The following TNK2 variants were observed in gnomAD, a reference collection of about 807,000 sequenced individuals.
TNK2 encodes activated CDC42 kinase 1.
A neutral mutation model predicts 101.8 loss-of-function variants in TNK2; 83 were observed. That is an observed-to-expected ratio of 0.82 (90% CI 0.68 to 0.98). The LOEUF is 0.98. Among genes scored for constraint, TNK2 ranks in the 50% least tolerant of loss-of-function variants. The pLI is 0.00. For missense variants in TNK2, 1,665 were observed against 1,483.2 expected, an observed-to-expected ratio of 1.12 and a Z score of -2.01; for synonymous variants, 804 against 633.0, an observed-to-expected ratio of 1.27 and a Z score of -4.06.
Position 195,878,238 on chromosome 3 carries a change from C to T in TNK2, c.1256+15G>A, listed in dbSNP as rs1251542440. 1 of 1,613,686 alleles carries T rather than the reference C, an allele frequency of 6.2e-7. No homozygotes were observed. The highest frequency in any genetic ancestry group is 1.3e-5 in the African/African-American group (1 of 74,930). ...CAAGCGATCCCAGGGCGGGGCCCAGCCCTGCACTCCCTACCTTCCCTCGAT... is the reference window on the plus strand; with the variant it reads ...CAAGCGATCCCAGGGCGGGGCCCAGTCCTGCACTCCCTACCTTCCCTCGAT... On this transcript the variant is annotated intron_variant, in intron 9 of 15. Coordinates refer to ENST00000672887, the MANE Select transcript of TNK2 (RefSeq NM_001382273.1). The surrounding 1 kb of genome is among the most constrained non-coding windows in gnomAD (Gnocchi z 4.7).
intron 10 of TNK2, 62 bp downstream of exon 10, chr3:195,872,214 T>A: frequency 6.3e-7 from 1 of 1,584,926 alleles, no homozygotes; most frequent in Non-Finnish European, 8.6e-7. Context: ...ACGCGTGCCG[T>A]GCTGAGGGCC....
intron 9 of TNK2, 39 bp from the exon 10 acceptor site, chr3:195,872,509 C>T (rs772364759): frequency 1.4e-5 from 22 of 1,544,366 alleles, no homozygotes; most frequent in Admixed American, 7.5e-5. Context: ...CCAGGCGTGG[C>T]GGGGCAGCCC....
At chr3:195,877,874 A>C (rs1460505491) in intron 9 of TNK2, among the ~76,000 whole-genome samples, 1 of 152,142 alleles carries the variant, frequency 6.6e-6, no homozygotes, top group Non-Finnish European at 1.5e-5. Context: ...AAACGCACCC[A>C]GGTGGATGGC....
intron 1 of TNK2, chr3:195,895,492 C>T: frequency 2.9e-6 from 4 of 1,358,480 alleles, no homozygotes; most frequent in South Asian, 1.8e-5. Flanking sequence ...GCCGGGTGGT[C>T]GCGCCCCTCC....
At chr3:195,898,750 T>C (rs904679081) in intron 1 of TNK2, among the ~76,000 whole-genome samples, 2 of 152,066 alleles carry the variant, frequency 1.3e-5, no homozygotes, top group African/African-American at 4.8e-5. Flanking sequence ...CTCAGCCTCC[T>C]GAGTAGCTGG....
chr3:195,869,385 A>G, intron 12 of TNK2, 112 bp downstream of exon 12: 3 of 892,996 alleles, frequency 3.4e-6, no homozygotes, highest in East Asian at 5.5e-5. Flanking sequence ...CACAGCACAC[A>G]CCCACCCACC....
In TNK2 at chr3:195,866,096, A is replaced by G. The variant is rs144082002; in HGVS notation, c.3161+793T>C. ...ACAGCGCTCTCATATATATATTTACATAATATATAAAGTGTGTTTATATAT... is the reference window on the plus strand; with the variant it reads ...ACAGCGCTCTCATATATATATTTACGTAATATATAAAGTGTGTTTATATAT... On this transcript the variant is annotated intron_variant, in intron 15 of 15. Transcript: ENST00000672887. Among the ~76,000 whole-genome samples, 599 of 152,264 alleles carry G rather than the reference A, an allele frequency of 3.9e-3. 4 individuals are homozygous for G. Among genetic ancestry groups the G allele is most frequent in the East Asian group, 0.012 (62 of 5,184 alleles).
In TNK2 at chr3:195,867,623, C is replaced by T. The variant is rs112384084; in HGVS notation, c.2675G>A (p.Arg892His). The T allele has an allele frequency of 0.017, 27,580 of 1,599,384 alleles. 294 individuals carry two copies. The highest frequency in any genetic ancestry group is 0.03 in the East Asian group (1,360 of 44,838). ...AGGCTCCTCGGGGCTCTGGGCCTCA[C>T]GCAGGAAGCGCTGGTAGCGCTCCAG... is the stretch of plus-strand genomic sequence containing the variant. Reference protein sequence around the residue: ...SYLERYQRFLREAQSPEEPTP... With the variant: ...SYLERYQRFLHEAQSPEEPTP... The change falls in exon 13 of 16, where the codon CGT becomes CAT. Residue 892 changes from arginine (R) to histidine (H), a missense_variant. Physicochemically the swap from Arg to His is conservative, Grantham distance 29. Coordinates refer to ENST00000672887, the MANE Select transcript of TNK2 (RefSeq NM_001382273.1).
chr3:195,901,423 G>A (rs1325153916), intron 1 of TNK2, among the ~76,000 whole-genome samples: 1 of 152,168 alleles, frequency 6.6e-6, no homozygotes, highest in African/African-American at 2.4e-5. Context: ...GAGAGAAACA[G>A]AGGAGTCCAA....
At chr3:195,893,321 G>C (rs1253561146) in intron 1 of TNK2, among the ~76,000 whole-genome samples, 2 of 152,006 alleles carry the variant, frequency 1.3e-5, no homozygotes, top group Non-Finnish European at 2.9e-5. Flanking sequence ...AAGAGCAAGG[G>C]TAGGGTGGGG....
intron 9 of TNK2, among the ~76,000 whole-genome samples, chr3:195,876,101 C>T (rs373187957): frequency 2.6e-4 from 39 of 152,314 alleles, no homozygotes; most frequent in South Asian, 2.5e-3. Context: ...GCCAAGGACC[C>T]GCAATGGATT....
At chr3:195,887,108 G>A (rs928768813) in intron 2 of TNK2, 61 bp from the exon 3 acceptor site, 5 of 1,574,346 alleles carry the variant, frequency 3.2e-6, no homozygotes, top group Non-Finnish European at 4.4e-6. Context: ...AGAGGCTGCT[G>A]CCTGTGGTCC....
In TNK2 at chr3:195,872,314, G is replaced by T; in HGVS notation, c.1413C>A (p.Asp471Glu). The T allele has an allele frequency of 6.2e-6, 10 of 1,613,318 alleles. No individual in the cohort carries two copies. The highest frequency in any genetic ancestry group is 4.2e-6 in the Non-Finnish European group (5 of 1,179,932). ...SFIHTGHGDS[D>E]PRHCWGFPDR... ...CCGGGAAGCCCCAGCAGTGGCGGGG[G>T]TCACTGTCGCCATGCCCTGTGTGGA... Residue 471 changes from aspartate to glutamate, a missense_variant, in exon 10 of 16, where the codon GAC becomes GAA. Asp to Glu is a conservative substitution (Grantham distance 45, BLOSUM62 2). Coordinates refer to ENST00000672887, the MANE Select transcript of TNK2 (RefSeq NM_001382273.1).
chr3:195,872,554 T>C, intron 9 of TNK2, 84 bp from the exon 10 acceptor site: 1 of 1,399,876 alleles, frequency 7.1e-7, no homozygotes, highest in Non-Finnish European at 9.6e-7. Context: ...CTGGCCACTG[T>C]GGCAGAAGGG....
Position 195,869,441 on chromosome 3 carries a change from A to C in TNK2, c.1588+56T>G, listed in dbSNP as rs543877991. ...CAGGCTCTGTACCTTCCAGGAGAGG[A>C]GTGAGAGAGAGGGGGCGGGGGCGGG... is the stretch of plus-strand genomic sequence containing the variant. On this transcript the variant is annotated intron_variant, in intron 12 of 15. Transcript: ENST00000672887. 105 of 1,234,666 alleles carry C rather than the reference A, an allele frequency of 8.5e-5. 1 individual carries two copies. The African/African-American group carries it at 1.4e-3, about 17-fold the overall frequency. 76.5% of individuals were successfully genotyped at this position (1,234,666 alleles called of 1,614,324 possible). A position where few individuals can be genotyped will look rare whatever the true frequency, so the allele number is the denominator to read the frequency against.
At position 195,868,474 on chromosome 3, in the gene TNK2, G is replaced by A. The variant is rs746225527; in HGVS notation, c.1824C>T (p.Ala608=). The change falls in exon 13 of 16, where the codon GCC becomes GCT. Residue 608 remains alanine (A), a synonymous_variant. Coordinates refer to ENST00000672887, the MANE Select transcript of TNK2 (RefSeq NM_001382273.1). ...RPCAPSLAQL[A]MDACSLLDET... ...CGTCCAGCAGGGAGCAGGCGTCCAT[G>A]GCCAGCTGCGCCAGGGAGGGCGCGC... 1.9e-6 allele frequency: 3 copies of A among 1,552,282 alleles called. No individual in the cohort carries two copies. The highest frequency in any genetic ancestry group is 2.3e-5 in the East Asian group (1 of 43,462).
At chr3:195,892,203 A>C (rs1758779228) in intron 1 of TNK2, among the ~76,000 whole-genome samples, 1 of 152,192 alleles carries the variant, frequency 6.6e-6, no homozygotes, top group Non-Finnish European at 1.5e-5. Context: ...TGTGTCCGTC[A>C]CTACTCTGTG....
intron 1 of TNK2, among the ~76,000 whole-genome samples, chr3:195,897,810 A>G (rs1043619584): frequency 3.8e-5 from 1 of 26,136 alleles, no homozygotes; most frequent in Non-Finnish European, 9.1e-5. Flanking sequence ...CCACCCCCTC[A>G]CCCCCCCACC....
At position 195,876,749 on chromosome 3, in the gene TNK2, C is replaced by T. The variant is rs566968635; in HGVS notation, c.1256+1504G>A. The stretch of plus-strand genomic sequence containing the variant: ...GGCTGGGGCCAACGGGGGCCTTCGA[C>T]GGAAGGGCGGGGCGGGGCACACCCA... On this transcript the variant is annotated intron_variant, in intron 9 of 15. Transcript: ENST00000672887. 1.0e-3 allele frequency: 444 copies of T among 423,008 alleles called. 1 individual carries two copies. The highest frequency in any genetic ancestry group is 7.8e-3 in the African/African-American group (386 of 49,276). 26.2% of individuals were successfully genotyped at this position (423,008 alleles called of 1,614,324 possible).
Sources: gnomAD v4.1 joint callset for allele counts (sites outside exome capture counted in the v4.1 genomes callset) on GRCh38, gnomAD v4.1.1 for gene constraint, Gnocchi (gnomAD v3.1) non-coding constraint, MANE v1.5 for transcripts, NCBI Gene and HGNC (gene_info 2026-07-23, HGNC 2026-07-21) for gene names.